RYR3: variants seen among roughly 807,000 people sequenced by gnomAD.
The protein encoded by RYR3 is brain ryanodine receptor-calcium release channel.
Under a neutral mutation model 584.3 loss-of-function variants are expected in RYR3, and 207 were observed. The ratio of observed to expected loss-of-function variants is 0.35; its 90% CI spans 0.32 to 0.40. The LOEUF (loss-of-function observed/expected upper bound fraction) is 0.40. RYR3 is among the 10% of genes least tolerant of loss of function. RYR3 has a pLI of 1.00. For synonymous variants in RYR3, 2,416 were observed against 2,248.5 expected, an observed-to-expected ratio of 1.07 and a Z score of -2.11; for missense variants, 5,616 against 6,089.2, an observed-to-expected ratio of 0.92 and a Z score of 2.59.
Position 33,414,977 on chromosome 15 carries a change from C to T in RYR3, c.52-58442C>T, listed in dbSNP as rs190665199. Among the ~76,000 whole-genome samples the T allele has an allele frequency of 2.1e-3, 327 of 152,302 alleles. 5 individuals carry two copies. The South Asian group carries it at 0.03, about 14-fold the overall frequency. ...TCTGGGTTATATATAGGCACCCCCT[C>T]AAATATGTCAATGCATTTGGATTAA... is the stretch of plus-strand genomic sequence containing the variant. On this transcript the variant is annotated intron_variant, in intron 1 of 103. Coordinates refer to ENST00000634891, the MANE Select transcript of RYR3 (RefSeq NM_001036.6).
intron 69 of RYR3, 54 bp downstream of exon 69, chr15:33,802,015 A>T (rs2075944267): frequency 9.4e-7 from 1 of 1,059,756 alleles, no homozygotes; most frequent in Non-Finnish European, 1.5e-6. Context: ...CTCAGCCATG[A>T]CTTGGATCTG....
intron 19 of RYR3, among the ~76,000 whole-genome samples, chr15:33,613,810 G>A (rs1186346751): frequency 4.6e-5 from 7 of 152,018 alleles, no homozygotes; most frequent in Non-Finnish European, 7.4e-5. Flanking sequence ...GTATTACACC[G>A]AATATGAAGT....
chr15:33,403,459 ATGAAT>A (rs1249114748), intron 1 of RYR3, among the ~76,000 whole-genome samples: 1 of 152,216 alleles, frequency 6.6e-6, no homozygotes, highest in African/African-American at 2.4e-5. Context: ...GTAATCGGAG[ATGAAT>A]TGAAATACTT....
chr15:33,407,118 G>C (rs1475889665), intron 1 of RYR3, among the ~76,000 whole-genome samples: 1 of 152,128 alleles, frequency 6.6e-6, no homozygotes, highest in Non-Finnish European at 1.5e-5. Flanking sequence ...AGGTCAAGAG[G>C]GGTCTAAGCT....
At chr15:33,409,282 TAATAAATA>T (rs138051374) in intron 1 of RYR3, among the ~76,000 whole-genome samples, 4 of 149,238 alleles carry the variant, frequency 2.7e-5, no homozygotes, top group African/African-American at 9.9e-5. Context: ...GTGCTGCGTA[TAATAAATA>T]AATAAATAAG....
intron 16 of RYR3, among the ~76,000 whole-genome samples, chr15:33,595,872 A>G (rs950304786): frequency 2.6e-5 from 4 of 152,132 alleles, no homozygotes; most frequent in Admixed American, 2.0e-4. Context: ...AAAACTTCAT[A>G]TGACAACTTG....
chr15:33,514,504 C>T (rs566987821), intron 3 of RYR3, among the ~76,000 whole-genome samples: 69 of 152,230 alleles, frequency 4.5e-4, no homozygotes, highest in Non-Finnish European at 7.5e-4. Context: ...CTGAGTCCTG[C>T]TCTCTGGGTG....
In RYR3 at chr15:33,511,142, T is replaced by C. The variant is rs1595373440; in HGVS notation, c.279+7404T>C. Among the ~76,000 whole-genome samples the C allele has an allele frequency of 5.3e-5, 8 of 152,152 alleles. No individual in the cohort carries two copies. The South Asian group carries it at 1.7e-3, about 32-fold the overall frequency. On this transcript the variant is annotated intron_variant, in intron 3 of 103. Transcript: ENST00000634891. ...CTTGGGTGGATTTTTTTTTTAAATG[T>C]TAGTTATAAAAAAGTGGTTCAGCTG...
Position 33,311,031 on chromosome 15 carries a change from G to A in RYR3, c.-15G>A. ...AGGCGCCGGAGGCTGGGGCACCGCC[G>A]ACGCCTCGGGAGCCATGGCCGAAGG... On this transcript the variant is annotated 5_prime_UTR_variant, in exon 1 of 104. Coordinates refer to ENST00000634891, the MANE Select transcript of RYR3 (RefSeq NM_001036.6). The surrounding 1 kb of genome is among the most constrained non-coding windows in gnomAD (Gnocchi z 4.4). 1.3e-6 allele frequency: 2 copies of A among 1,575,154 alleles called. No individual in the cohort carries two copies. Among genetic ancestry groups the A allele is most frequent in the Non-Finnish European group, 1.7e-6 (2 of 1,162,314 alleles).
chr15:33,653,000 G>A (rs1595987360), intron 32 of RYR3, 117 bp downstream of exon 32: 12 of 1,036,254 alleles, frequency 1.2e-5, no homozygotes, highest in Non-Finnish European at 1.4e-5. Flanking sequence ...ATGAGCCCAT[G>A]TGGGCCATGG....
intron 19 of RYR3, among the ~76,000 whole-genome samples, chr15:33,623,094 G>C (rs1314125751): frequency 1.3e-5 from 2 of 152,192 alleles, no homozygotes; most frequent in Non-Finnish European, 2.9e-5. Flanking sequence ...AGGTGGGCCA[G>C]GGTGTCAGGA....
rs891797539 is a variant in RYR3 at position 33,768,723 on chromosome 15, C to T, written c.8755+16C>T. 1 of 1,612,332 alleles carries T rather than the reference C, an allele frequency of 6.2e-7. No homozygotes were observed. The highest frequency in any genetic ancestry group is 8.5e-7 in the Non-Finnish European group (1 of 1,178,332). On this transcript the variant is annotated intron_variant, in intron 61 of 103. Coordinates refer to ENST00000634891, the MANE Select transcript of RYR3 (RefSeq NM_001036.6). ...TCCCTCTTTGGTAAGTGAAGTGTTG[C>T]TCAAGGTACCGCTCCTCCCTGTAAT... is the stretch of plus-strand genomic sequence containing the variant.
chr15:33,407,941 C>T (rs2043134607), intron 1 of RYR3, among the ~76,000 whole-genome samples: 1 of 151,690 alleles, frequency 6.6e-6, no homozygotes, highest in African/African-American at 2.4e-5. Flanking sequence ...TTCCTTTGTA[C>T]AGCATTGCTT....
intron 14 of RYR3, among the ~76,000 whole-genome samples, chr15:33,581,847 T>C (rs2058610541): frequency 6.6e-6 from 1 of 152,204 alleles, no homozygotes; most frequent in Non-Finnish European, 1.5e-5. Flanking sequence ...TGATAATCAG[T>C]TTCCCTGTAA....
intron 93 of RYR3, 93 bp downstream of exon 93, chr15:33,845,155 A>T: frequency 7.5e-7 from 1 of 1,324,574 alleles, no homozygotes; most frequent in South Asian, 1.3e-5. Flanking sequence ...AGACTTTGCT[A>T]GCCGTAAAGG....
chr15:33,396,427 C>A (rs2042301192), intron 1 of RYR3, among the ~76,000 whole-genome samples: 2 of 152,146 alleles, frequency 1.3e-5, no homozygotes, highest in Non-Finnish European at 2.9e-5. Context: ...GCCTGCCCAC[C>A]CGAGGGACAC....
intron 2 of RYR3, among the ~76,000 whole-genome samples, chr15:33,499,656 T>G (rs2142684682): frequency 6.6e-6 from 1 of 152,334 alleles, no homozygotes; most frequent in South Asian, 2.1e-4. Flanking sequence ...GTAAAAAACC[T>G]TAGTTTATTT....
chr15:33,753,171 C>G (rs1560319), intron 57 of RYR3, among the ~76,000 whole-genome samples: 89,064 of 152,122 alleles, frequency 0.59, 28,450 homozygotes, highest in East Asian at 0.73. Context: ...AATTGCAGGT[C>G]TTTACAAAAT....
At chr15:33,758,351 G>A (rs372067503) in intron 60 of RYR3, among the ~76,000 whole-genome samples, 50 of 152,244 alleles carry the variant, frequency 3.3e-4, no homozygotes, top group African/African-American at 1.0e-3. Flanking sequence ...CTTGCTCAGC[G>A]GATCCCACAC....
Sources: allele counts gnomAD v4.1 joint callset (sites outside exome capture counted in the v4.1 genomes callset), GRCh38; gene constraint gnomAD v4.1.1; non-coding constraint Gnocchi (gnomAD v3.1); transcripts MANE v1.5; gene names NCBI Gene and HGNC (gene_info 2026-07-23, HGNC 2026-07-21).